The following PDE1C variants were observed in gnomAD, a reference collection of about 807,000 sequenced individuals.
PDE1C encodes the protein dual specificity calcium/calmodulin-dependent 3',5'-cyclic nucleotide phosphodiesterase 1C.
A neutral mutation model predicts 93.1 loss-of-function variants in PDE1C; 62 were observed. The observed-to-expected ratio is 0.67, with a 90% CI of 0.54 to 0.82. PDE1C has a LOEUF of 0.82. Among genes scored for constraint, PDE1C ranks in the 40% least tolerant of loss-of-function variants. The pLI is 0.00. For synonymous variants in PDE1C, 325 were observed against 310.1 expected, an observed-to-expected ratio of 1.05 and a Z score of -0.50; for missense variants, 742 against 884.6, an observed-to-expected ratio of 0.84 and a Z score of 2.04.
At chr7:31,770,092 A>G (rs1562763829) in intron 17 of PDE1C, among the ~76,000 whole-genome samples, 1 of 152,178 alleles carries the variant, frequency 6.6e-6, no homozygotes, top group Non-Finnish European at 1.5e-5. Context: ...TTTTATTATT[A>G]TTATAGCATC....
At chr7:32,047,360 C>T (rs986966023) in intron 2 of PDE1C, among the ~76,000 whole-genome samples, 20 of 152,060 alleles carry the variant, frequency 1.3e-4, no homozygotes, top group Admixed American at 6.6e-5. Context: ...ATGATTGACC[C>T]TCATGAACAA....
chr7:31,845,673 A>C (rs1176003250), intron 9 of PDE1C, among the ~76,000 whole-genome samples: 1 of 152,014 alleles, frequency 6.6e-6, no homozygotes, highest in Non-Finnish European at 1.5e-5. Context: ...TAATAAAAAA[A>C]ATTTTTAAAA....
At chr7:31,864,807 TTA>T in intron 7 of PDE1C, 133 bp downstream of exon 7, 1 of 822,310 alleles carries the variant, frequency 1.2e-6, no homozygotes. Context: ...ATTGGTTAGA[TTA>T]CTCCTGGGAA....
At chr7:31,823,823 T>C (rs1338220448) in intron 13 of PDE1C, among the ~76,000 whole-genome samples, 1 of 152,136 alleles carries the variant, frequency 6.6e-6, no homozygotes, top group African/African-American at 2.4e-5. Context: ...TATGGGTAAC[T>C]TTGTAAATAT....
intron 1 of PDE1C, among the ~76,000 whole-genome samples, chr7:32,332,632 C>T (rs887077213): frequency 1.3e-5 from 2 of 151,900 alleles, no homozygotes; most frequent in Admixed American, 1.3e-4. Flanking sequence ...GGGGAAAACA[C>T]AAATGTCTAT....
intron 2 of PDE1C, among the ~76,000 whole-genome samples, chr7:31,916,979 A>C (rs998907572): frequency 6.6e-6 from 1 of 152,166 alleles, no homozygotes; most frequent in African/African-American, 2.4e-5. Flanking sequence ...TGTAAAAAAT[A>C]TACACTGTAT....
At chr7:31,989,011 A>AAG (rs1480126714) in intron 2 of PDE1C, among the ~76,000 whole-genome samples, 1 of 148,452 alleles carries the variant, frequency 6.7e-6, no homozygotes, top group Admixed American at 6.7e-5. Flanking sequence ...AAAAAAAAAA[A>AAG]AAAAAAAGAG....
At chr7:31,643,093 G>A in the PDE1C span, 8 of 1,613,878 alleles carry the variant, frequency 5.0e-6, no homozygotes, top group Non-Finnish European at 5.1e-6. Flanking sequence ...CCACGTCACA[G>A]AAATGCAGGA....
chr7:31,790,264 AAAAAAGAAAAAG>A (rs750192083), intron 16 of PDE1C: 1 of 1,611,948 alleles, frequency 6.2e-7, no homozygotes, highest in Non-Finnish European at 8.5e-7. Context: ...GTGAATCTGA[AAAAAAGAAAAAG>A]AAAAAGAAAA....
At chr7:32,406,446 A>G (rs11760568) in intron 1 of PDE1C, among the ~76,000 whole-genome samples, 26,934 of 151,710 alleles carry the variant, frequency 0.18, 2,492 homozygotes, top group Non-Finnish European at 0.19. Context: ...ACGAGGGAGG[A>G]AAAAAATGCT....
In PDE1C at chr7:32,015,100, C is replaced by T. The variant is rs183521323; in HGVS notation, c.128+36454G>A. 2.6e-5 allele frequency among the ~76,000 whole-genome samples: 4 copies of T among 152,212 alleles called. No individual in the cohort carries two copies. In the East Asian group the frequency reaches 7.7e-4, roughly 29 times the overall value. ...TGCTGCCCTGCCTTCCTGCCTTGCC[C>T]TCCTTCCTGCCTTACTTCCCTGTCA... On this transcript the variant is annotated intron_variant, in intron 2 of 17. Transcript: ENST00000396191.
chr7:31,680,364 T>A, the PDE1C span, among the ~76,000 whole-genome samples: 7 of 152,134 alleles, frequency 4.6e-5, no homozygotes, highest in African/African-American at 1.7e-4. Flanking sequence ...TTGAAGACCA[T>A]CAATGCAGAG....
intron 2 of PDE1C, among the ~76,000 whole-genome samples, chr7:32,199,966 T>C (rs1283137090): frequency 1.3e-5 from 2 of 152,188 alleles, no homozygotes; most frequent in Admixed American, 6.5e-5. Context: ...CTTCAGGCTA[T>C]GTGTTTAAGA....
intron 2 of PDE1C, among the ~76,000 whole-genome samples, chr7:31,980,732 G>A (rs962010983): frequency 7.9e-5 from 12 of 152,194 alleles, no homozygotes; most frequent in African/African-American, 2.9e-4. Flanking sequence ...GATGTCTACA[G>A]GGCAGCATTC....
At chr7:32,027,763 A>C (rs1789684877) in intron 2 of PDE1C, among the ~76,000 whole-genome samples, 2 of 152,132 alleles carry the variant, frequency 1.3e-5, no homozygotes, top group South Asian at 4.1e-4. Flanking sequence ...CTTTTAAAAA[A>C]ATCTGCTGTC....
At chr7:31,897,128 T>C (rs576868650) in intron 2 of PDE1C, among the ~76,000 whole-genome samples, 1 of 152,326 alleles carries the variant, frequency 6.6e-6, no homozygotes, top group East Asian at 1.9e-4. Context: ...TCTTGTATTT[T>C]TCTTGTAAAT....
intron 1 of PDE1C, among the ~76,000 whole-genome samples, chr7:32,059,816 T>G (rs77499274): frequency 0.079 from 12,094 of 152,134 alleles, 550 homozygotes; most frequent in Non-Finnish European, 0.09. Context: ...AGAAAGAAAA[T>G]AGAAAGCAAA....
intron 1 of PDE1C, among the ~76,000 whole-genome samples, chr7:32,387,706 G>A (rs1364747651): frequency 3.6e-5 from 5 of 140,222 alleles, no homozygotes; most frequent in Non-Finnish European, 7.8e-5. Context: ...CCTCCCGGAC[G>A]GGGCGGCTGG....
At chr7:31,771,534 A>T (rs967802652) in intron 17 of PDE1C, among the ~76,000 whole-genome samples, 14 of 152,060 alleles carry the variant, frequency 9.2e-5, no homozygotes, top group Non-Finnish European at 2.1e-4. Context: ...TGTCTATTCC[A>T]GTCCTTTGGC....
Sources: gnomAD v4.1 joint callset for allele counts (sites outside exome capture counted in the v4.1 genomes callset) on GRCh38, gnomAD v4.1.1 for gene constraint, MANE v1.5 for transcripts, NCBI Gene and HGNC (gene_info 2026-07-23, HGNC 2026-07-21) for gene names.